Variants in MAPKAP1 observed in about 807,000 individuals in gnomAD.
MAPKAP1 encodes target of rapamycin complex 2 subunit MAPKAP1.
In MAPKAP1, 20 loss-of-function variants were observed where a neutral mutation model predicts 65.7. The ratio of observed to expected loss-of-function variants is 0.30; its 90% CI spans 0.21 to 0.44. The LOEUF (loss-of-function observed/expected upper bound fraction) is 0.44. Among genes scored for constraint, MAPKAP1 ranks in the 20% least tolerant of loss-of-function variants. The pLI is 1.00. For synonymous variants in MAPKAP1, 222 were observed against 244.3 expected (o/e 0.91, Z 0.85); for missense variants, 423 against 648.0 (o/e 0.65, Z 3.77).
At chr9:125,629,859 T>C (rs1444920164) in intron 4 of MAPKAP1, among the ~76,000 whole-genome samples, 1 of 152,206 alleles carries the variant, frequency 6.6e-6, no homozygotes, top group East Asian at 1.9e-4. Flanking sequence ...GACAAGGCCA[T>C]GTATAACACA....
chr9:125,590,662 A>G (rs571948067), intron 4 of MAPKAP1, among the ~76,000 whole-genome samples: 93 of 152,010 alleles, frequency 6.1e-4, no homozygotes, highest in African/African-American at 2.0e-3. Flanking sequence ...AGAAAAAAAA[A>G]GGGGGGCGGG....
At chr9:125,579,288 G>A (rs550009699) in intron 5 of MAPKAP1, among the ~76,000 whole-genome samples, 3 of 152,274 alleles carry the variant, frequency 2.0e-5, no homozygotes, top group South Asian at 2.1e-4. Flanking sequence ...AGGAACAGGA[G>A]AACAATATTT....
chr9:125,666,612 G>C (rs924883629), intron 3 of MAPKAP1, among the ~76,000 whole-genome samples: 1 of 152,168 alleles, frequency 6.6e-6, no homozygotes, highest in African/African-American at 2.4e-5. Flanking sequence ...GGGCAACACA[G>C]TGAGACCCCC....
At chr9:125,481,414 T>G (rs1369438447) in intron 9 of MAPKAP1, among the ~76,000 whole-genome samples, 5 of 152,294 alleles carry the variant, frequency 3.3e-5, no homozygotes, top group African/African-American at 1.2e-4. Context: ...ACAGTTGGGC[T>G]ACTTATTGGG....
At chr9:125,566,688 C>T (rs1831065216) in intron 5 of MAPKAP1, among the ~76,000 whole-genome samples, 1 of 152,210 alleles carries the variant, frequency 6.6e-6, no homozygotes, top group Non-Finnish European at 1.5e-5. Flanking sequence ...ACTGAGAAAC[C>T]TATTTCTATA....
chr9:125,679,193 G>A (rs148595911), intron 1 of MAPKAP1, among the ~76,000 whole-genome samples: 249 of 152,152 alleles, frequency 1.6e-3, no homozygotes, highest in Middle Eastern at 3.4e-3. Context: ...GTAGAGACAG[G>A]GTTTCACTAT....
chr9:125,686,898 C>G (rs1834998415), intron 1 of MAPKAP1, among the ~76,000 whole-genome samples: 1 of 151,910 alleles, frequency 6.6e-6, no homozygotes, highest in Non-Finnish European at 1.5e-5. Context: ...ATGATCTCAG[C>G]TCACTGCAAC....
chr9:125,616,047 T>C (rs756179175), intron 4 of MAPKAP1, among the ~76,000 whole-genome samples: 9 of 151,828 alleles, frequency 5.9e-5, no homozygotes, highest in Admixed American at 6.6e-5. Flanking sequence ...AAATAAACAA[T>C]TGAAACAGAA....
rs537470720 is a variant in MAPKAP1, at chr9:125,555,110, A to G, written c.848+4523T>C. ...ATAATTTTATCTGTATTTAGTTTGT[A>G]ATTTTGTTTAGGTTGTGTAAAAACA... On this transcript the variant is annotated intron_variant, in intron 6 of 11. Coordinates refer to ENST00000265960, the MANE Select transcript of MAPKAP1 (RefSeq NM_001006617.3). Among the ~76,000 whole-genome samples the G allele has an allele frequency of 2.0e-5, 3 of 152,286 alleles. No individual in the cohort carries two copies. In the South Asian group the frequency reaches 6.2e-4, roughly 32 times the overall value.
At position 125,624,414 on chromosome 9, in the gene MAPKAP1, C is replaced by T. The variant is rs1393801275; in HGVS notation, c.498+33237G>A. Reference sequence around the variant, plus strand: ...GGTCGGCCCCCATCCCGGCCAGCCGCCCCGTCCGGGAGGGAGGTGGGGGGG... The same window carrying T: ...GGTCGGCCCCCATCCCGGCCAGCCGTCCCGTCCGGGAGGGAGGTGGGGGGG... On this transcript the variant is annotated intron_variant, in intron 4 of 11. Transcript: ENST00000265960. 1.9e-5 allele frequency among the ~76,000 whole-genome samples: 2 copies of T among 102,932 alleles called. 1 individual carries two copies. 67.5% of individuals were successfully genotyped at this position (102,932 alleles called of 152,430 possible).
chr9:125,705,580 T>C (rs952833330), intron 1 of MAPKAP1, among the ~76,000 whole-genome samples: 2 of 152,238 alleles, frequency 1.3e-5, no homozygotes, highest in African/African-American at 4.8e-5. Context: ...CTGAATCTTA[T>C]ATTTATCTCT....
At chr9:125,559,917 C>T (rs1325230988) in intron 5 of MAPKAP1, 108 bp from the exon 6 acceptor site, 1 of 1,102,592 alleles carries the variant, frequency 9.1e-7, no homozygotes, top group Non-Finnish European at 1.3e-6. Context: ...TTTTCTTTAC[C>T]CCAAGCCTGG....
At chr9:125,640,868 T>C (rs1461720886) in intron 4 of MAPKAP1, among the ~76,000 whole-genome samples, 1 of 152,238 alleles carries the variant, frequency 6.6e-6, no homozygotes, top group Non-Finnish European at 1.5e-5. Flanking sequence ...GAGACTCTAA[T>C]ATTCTACTAA....
At chr9:125,674,276 T>TA (rs956815535) in intron 1 of MAPKAP1, among the ~76,000 whole-genome samples, 8 of 152,166 alleles carry the variant, frequency 5.3e-5, no homozygotes, top group Non-Finnish European at 7.4e-5. Context: ...ATAATAATGA[T>TA]AAAAAATCAA....
chr9:125,454,115 CA>C (rs1401742700), intron 10 of MAPKAP1, among the ~76,000 whole-genome samples: 2 of 152,216 alleles, frequency 1.3e-5, no homozygotes, highest in Non-Finnish European at 2.9e-5. Context: ...TTCCTTGAGA[CA>C]AGTACCCTAC....
chr9:125,629,304 C>G (rs1444062444), intron 4 of MAPKAP1, among the ~76,000 whole-genome samples: 1 of 152,180 alleles, frequency 6.6e-6, no homozygotes, highest in Non-Finnish European at 1.5e-5. Context: ...TTTGTACTTC[C>G]ATGTTCAGCA....
At chr9:125,618,563 T>C (rs1267351185) in intron 4 of MAPKAP1, among the ~76,000 whole-genome samples, 3 of 152,010 alleles carry the variant, frequency 2.0e-5, no homozygotes, top group South Asian at 2.1e-4. Context: ...AAATATATAA[T>C]CTGATGGTGT....
At position 125,517,502 on chromosome 9, in the gene MAPKAP1, C is replaced by G. The variant is rs147174085; in HGVS notation, c.959-11085G>C. On this transcript the variant is annotated intron_variant, in intron 7 of 11. Transcript: ENST00000265960. ...ACTATACCCATTTCTAGTCTTGTTA[C>G]AACTTTTTTATTGTGATAGAAAACA... Among the ~76,000 whole-genome samples the G allele has an allele frequency of 1.7e-4, 26 of 152,282 alleles. No homozygotes were observed. In the East Asian group the frequency reaches 5.0e-3, roughly 29 times the overall value.
At chr9:125,702,260 C>A (rs111966771) in intron 1 of MAPKAP1, among the ~76,000 whole-genome samples, 3,116 of 152,040 alleles carry the variant, frequency 0.02, 40 homozygotes, top group South Asian at 0.041. Flanking sequence ...TTAGGCCGGG[C>A]GCAGTGGCTC....
Sources: allele counts gnomAD v4.1 joint callset (sites outside exome capture counted in the v4.1 genomes callset), GRCh38; gene constraint gnomAD v4.1.1; transcripts MANE v1.5; gene names NCBI Gene and HGNC (gene_info 2026-07-23, HGNC 2026-07-21).